Variants in KIF6 observed in about 807,000 individuals in gnomAD.
KIF6 encodes the protein kinesin family member 6, also known as kinesin-like protein KIF6.
KIF6 carries 106 observed loss-of-function variants against 112.7 expected under a neutral mutation model. That is an observed-to-expected ratio of 0.94 (90% CI 0.80 to 1.11). The LOEUF is 1.11. KIF6 is among the 50% of genes least tolerant of loss of function. KIF6 has a pLI of 0.00. For missense variants in KIF6, 929 were observed against 964.0 expected (o/e 0.96, Z 0.48); for synonymous variants, 339 against 339.9 (o/e 1.00, Z 0.03).
chr6:39,432,025 C>T lies in KIF6; in HGVS notation c.1646-864G>A, dbSNP rs758520309. ...GGAGGCCTTTTCTCATGTTTTCCTC[C>T]AGTAACTCTACCTCCGTGGAGCTTT... On this transcript the variant is annotated intron_variant, in intron 13 of 22. Transcript: ENST00000287152. Among the ~76,000 whole-genome samples the T allele has an allele frequency of 1.4e-4, 21 of 151,972 alleles. 1 individual carries two copies. Among genetic ancestry groups the T allele is most frequent in the African/African-American group, 4.8e-5 (2 of 41,324 alleles).
chr6:39,672,972 A>T (rs12202502), intron 3 of KIF6, among the ~76,000 whole-genome samples: 2 of 152,200 alleles, frequency 1.3e-5, no homozygotes, highest in Non-Finnish European at 2.9e-5. Flanking sequence ...GGAAGTTTAA[A>T]GTGCCAGCTC....
intron 5 of KIF6, among the ~76,000 whole-genome samples, chr6:39,632,175 T>A (rs1784386943): frequency 1.9e-5 from 2 of 107,152 alleles, no homozygotes; most frequent in South Asian, 3.2e-4. Flanking sequence ...CATCTTATAA[T>A]GTAAAAGAAA....
intron 13 of KIF6, among the ~76,000 whole-genome samples, chr6:39,503,314 C>T (rs2150495943): frequency 6.6e-6 from 1 of 152,230 alleles, no homozygotes; most frequent in East Asian, 1.9e-4. Flanking sequence ...ATACAACGTA[C>T]CACAATCTCT....
intron 16 of KIF6, among the ~76,000 whole-genome samples, chr6:39,370,827 G>T (rs1171666056): frequency 6.6e-6 from 1 of 152,056 alleles, no homozygotes; most frequent in African/African-American, 2.4e-5. Context: ...GGGTGCTGGG[G>T]GTGGGGGGCA....
At chr6:39,616,397 T>C (rs1241631370) in intron 5 of KIF6, among the ~76,000 whole-genome samples, 1 of 152,190 alleles carries the variant, frequency 6.6e-6, no homozygotes, top group African/African-American at 2.4e-5. Flanking sequence ...ATATCATGTG[T>C]TCCTCACTTT....
At chr6:39,445,260 T>G (rs1772236770) in intron 13 of KIF6, among the ~76,000 whole-genome samples, 1 of 152,138 alleles carries the variant, frequency 6.6e-6, no homozygotes, top group Non-Finnish European at 1.5e-5. Flanking sequence ...TCTAATAATG[T>G]GGGCTTTGAG....
At chr6:39,608,015 T>A (rs1582259436) in intron 6 of KIF6, among the ~76,000 whole-genome samples, 1 of 152,316 alleles carries the variant, frequency 6.6e-6, no homozygotes, top group East Asian at 1.9e-4. Flanking sequence ...CCTTCCTTCC[T>A]GCCCTATCCT....
intron 2 of KIF6, among the ~76,000 whole-genome samples, chr6:39,719,465 G>A (rs970254746): frequency 2.6e-5 from 4 of 152,106 alleles, no homozygotes; most frequent in Admixed American, 6.6e-5. Flanking sequence ...TTGAAGAGAA[G>A]AATTAGGATT....
chr6:39,570,473 G>A (rs1780582335), intron 10 of KIF6, among the ~76,000 whole-genome samples: 1 of 152,180 alleles, frequency 6.6e-6, no homozygotes, highest in Non-Finnish European at 1.5e-5. Flanking sequence ...GTGGCTAAGT[G>A]AAAGGATGAA....
At chr6:39,469,914 A>G (rs1400332471) in intron 13 of KIF6, among the ~76,000 whole-genome samples, 1 of 152,234 alleles carries the variant, frequency 6.6e-6, no homozygotes, top group Non-Finnish European at 1.5e-5. Flanking sequence ...AAGATCAATA[A>G]GGAAATAGGG....
Position 39,343,899 on chromosome 6 carries a change from G to T in KIF6, c.2322-84C>A. Reference sequence around the variant, plus strand: ...TTTCCAAAATGCTTTTCCATTTTAGGTGACTGATCTCACTCAGAAAGCTAC... The same window carrying T: ...TTTCCAAAATGCTTTTCCATTTTAGTTGACTGATCTCACTCAGAAAGCTAC... On this transcript the variant is annotated intron_variant, in intron 21 of 22. Coordinates refer to ENST00000287152, the MANE Select transcript of KIF6 (RefSeq NM_145027.6). This position sits in a 1 kb window ranked among gnomAD's most constrained non-coding sequence, Gnocchi z 4.1. The T allele has an allele frequency of 1.3e-6, 1 of 747,960 alleles. No individual in the cohort carries two copies. Among genetic ancestry groups the T allele is most frequent in the Non-Finnish European group, 2.2e-6 (1 of 458,678 alleles). 46.3% of individuals were successfully genotyped at this position (747,960 alleles called of 1,614,324 possible). A position where few individuals can be genotyped will look rare whatever the true frequency, so the allele number is the denominator to read the frequency against.
At chr6:39,353,926 TG>T in intron 19 of KIF6, 4 of 569,432 alleles carry the variant, frequency 7.0e-6, no homozygotes, top group East Asian at 6.0e-5. Flanking sequence ...CCCAGACCCA[TG>T]GGGGTGCCAC....
chr6:39,677,146 G>T (rs1787191750), intron 3 of KIF6, among the ~76,000 whole-genome samples: 1 of 151,960 alleles, frequency 6.6e-6, no homozygotes, highest in Non-Finnish European at 1.5e-5. Flanking sequence ...TGTACTGTGG[G>T]CTTTAGAAAA....
intron 6 of KIF6, among the ~76,000 whole-genome samples, chr6:39,607,528 C>A (rs1209656628): frequency 6.6e-6 from 1 of 152,098 alleles, no homozygotes; most frequent in African/African-American, 2.4e-5. Flanking sequence ...GTCAATATAT[C>A]TTTTACTAAG....
At chr6:39,431,032 T>C (rs779085816) in intron 14 of KIF6, 21 bp downstream of exon 14, 131 of 1,513,346 alleles carry the variant, frequency 8.7e-5, no homozygotes, top group Non-Finnish European at 1.2e-4. Context: ...GAGGACCAGC[T>C]GCTCTCTGAG....
intron 13 of KIF6, among the ~76,000 whole-genome samples, chr6:39,496,208 C>A (rs537212711): frequency 2.0e-5 from 3 of 152,126 alleles, no homozygotes; most frequent in African/African-American, 7.2e-5. Flanking sequence ...CAGAGATCTA[C>A]CTAAAGTCCC....
chr6:39,383,888 C>G (rs151330028), intron 16 of KIF6, among the ~76,000 whole-genome samples: 1 of 152,250 alleles, frequency 6.6e-6, no homozygotes, highest in East Asian at 1.9e-4. Flanking sequence ...TAGATGCATT[C>G]CTAGGTATTT....
chr6:39,429,936 C>T (rs1275885842), intron 14 of KIF6, among the ~76,000 whole-genome samples: 1 of 152,066 alleles, frequency 6.6e-6, no homozygotes, highest in Admixed American at 6.6e-5. Flanking sequence ...TCATCTATCA[C>T]CAACTTTTTG....
chr6:39,716,310 C>T (rs1789848284), intron 2 of KIF6, among the ~76,000 whole-genome samples: 2 of 36,954 alleles, frequency 5.4e-5, no homozygotes, highest in Non-Finnish European at 1.4e-4. Context: ...ATATTGAATT[C>T]CTTGGGGGAA....
Sources: allele counts gnomAD v4.1 joint callset (sites outside exome capture counted in the v4.1 genomes callset), GRCh38; gene constraint gnomAD v4.1.1; non-coding constraint Gnocchi (gnomAD v3.1); transcripts MANE v1.5; gene names NCBI Gene and HGNC (gene_info 2026-07-23, HGNC 2026-07-21).